Variants in FGFR2 observed in about 807,000 individuals in gnomAD.
The protein encoded by FGFR2 is fibroblast growth factor receptor 2.
A neutral mutation model predicts 95.9 loss-of-function variants in FGFR2; 19 were observed. That is an observed-to-expected ratio of 0.20 (90% CI 0.14 to 0.29). The LOEUF (loss-of-function observed/expected upper bound fraction) is 0.29. Among genes scored for constraint, FGFR2 ranks in the 10% least tolerant of loss-of-function variants. The pLI is 1.00. For missense variants in FGFR2, 707 were observed against 1,056.9 expected, an observed-to-expected ratio of 0.67 and a Z score of 4.59; for synonymous variants, 392 against 393.3, an observed-to-expected ratio of 1.00 and a Z score of 0.04.
intron 8 of FGFR2, among the ~76,000 whole-genome samples, 199 bp from the exon 9 acceptor site, chr10:121,515,518 T>C (rs1456770194): frequency 6.6e-6 from 1 of 152,060 alleles, no homozygotes; most frequent in Non-Finnish European, 1.5e-5. Flanking sequence ...GTAGTCACTG[T>C]CACTAGCCTC....
At position 121,517,692 on chromosome 10, in the gene FGFR2, G is replaced by A. The variant is rs1246667613; in HGVS notation, c.940-229C>T. On this transcript the variant is annotated intron_variant, in intron 7 of 17. Coordinates refer to ENST00000358487, the MANE Select transcript of FGFR2 (RefSeq NM_000141.5). This position sits in a 1 kb window ranked among gnomAD's most constrained non-coding sequence, Gnocchi z 4.7. ...CCGGCTTCACCTCCTACACATGCAC[G>A]CAATCAAACGCATGGAAAAAATCAA... Among the ~76,000 whole-genome samples, 1 of 151,916 alleles carries A rather than the reference G, an allele frequency of 6.6e-6. No individual in the cohort carries two copies. Among genetic ancestry groups the A allele is most frequent in the African/African-American group, 2.4e-5 (1 of 41,346 alleles).
chr10:121,538,947 C>T (rs1853274491), intron 5 of FGFR2, among the ~76,000 whole-genome samples: 1 of 152,308 alleles, frequency 6.6e-6, no homozygotes, highest in East Asian at 1.9e-4. Context: ...CAGGAGTATT[C>T]GGCAGTGTAC....
chr10:121,508,509 A>G (rs1182518112), intron 9 of FGFR2, among the ~76,000 whole-genome samples: 1 of 152,176 alleles, frequency 6.6e-6, no homozygotes, highest in Admixed American at 6.5e-5. Flanking sequence ...ACCCCTGGCA[A>G]AAGTTCACAT....
In FGFR2 at chr10:121,487,971, T is replaced by C. The variant is rs1285827505; in HGVS notation, c.1986+20A>G. ...GCCTCACCCCCGCCCCTGCCCACTG[T>C]GTTACTGCCATCGACTTACATTGGT... On this transcript the variant is annotated intron_variant, in intron 14 of 17. Transcript: ENST00000358487. The C allele has an allele frequency of 6.2e-7, 1 of 1,614,022 alleles. No homozygotes were observed. The highest frequency in any genetic ancestry group is 1.1e-5 in the South Asian group (1 of 91,070).
At chr10:121,516,048 C>A (rs1849668004) in intron 8 of FGFR2, among the ~76,000 whole-genome samples, 1 of 151,898 alleles carries the variant, frequency 6.6e-6, no homozygotes, top group African/African-American at 2.4e-5. Flanking sequence ...AAAGAAAAAA[C>A]ATAAAGGTAT....
At chr10:121,538,924 A>C (rs964386545) in intron 5 of FGFR2, among the ~76,000 whole-genome samples, 2 of 152,240 alleles carry the variant, frequency 1.3e-5, no homozygotes, top group African/African-American at 4.8e-5. Flanking sequence ...AAATATTGAC[A>C]TATTCAGATC....
chr10:121,512,397 G>A (rs1191861036), intron 9 of FGFR2, among the ~76,000 whole-genome samples: 1 of 152,222 alleles, frequency 6.6e-6, no homozygotes, highest in Non-Finnish European at 1.5e-5. Context: ...AGGAGCTGAG[G>A]TGTGTCAACA....
In FGFR2 at chr10:121,485,437, T is replaced by G. The variant is rs1470951612; in HGVS notation, c.2153A>C (p.Glu718Ala). The change falls in exon 16 of 18, where the codon GAA (glutamate) becomes GCA (alanine). Residue 718 changes from glutamate to alanine, a missense_variant. Glu to Ala is a moderately radical substitution (Grantham distance 107). Coordinates refer to ENST00000358487, the MANE Select transcript of FGFR2 (RefSeq NM_000141.5). This position sits in a 1 kb window ranked among gnomAD's most constrained non-coding sequence, Gnocchi z 4.2. ...PVEELFKLLKEGHRMDKPANC... is the reference protein window; with the variant it reads ...PVEELFKLLKAGHRMDKPANC... The stretch of plus-strand genomic sequence containing the variant: ...GGCTGGCTTATCCATTCTGTGTCCT[T>G]CCTTCAGCAGCTTAAAAAGTTCCTC... The G allele has an allele frequency of 5.6e-6, 9 of 1,614,092 alleles. No homozygotes were observed. Among genetic ancestry groups the G allele is most frequent in the Non-Finnish European group, 7.6e-6 (9 of 1,180,012 alleles).
intron 9 of FGFR2, 140 bp downstream of exon 9, chr10:121,514,977 G>A (rs1849503933): frequency 1.3e-6 from 1 of 795,480 alleles, no homozygotes; most frequent in African/African-American, 1.7e-5. Context: ...CACTAACTGG[G>A]TGACCGCCAA....
chr10:121,491,042 G>C (rs1309454155), intron 13 of FGFR2, among the ~76,000 whole-genome samples: 1 of 152,214 alleles, frequency 6.6e-6, no homozygotes, highest in African/African-American at 2.4e-5. Context: ...TCTCCCGGTG[G>C]TGTGCTCCTG....
At chr10:121,553,992 G>A (rs1855757824) in intron 4 of FGFR2, among the ~76,000 whole-genome samples, 1 of 152,228 alleles carries the variant, frequency 6.6e-6, no homozygotes, top group African/African-American at 2.4e-5. Context: ...CCTCGGGAGT[G>A]ATTTAAGGAC....
At chr10:121,581,177 C>T (rs964355011) in intron 2 of FGFR2, among the ~76,000 whole-genome samples, 30 of 152,214 alleles carry the variant, frequency 2.0e-4, no homozygotes, top group African/African-American at 6.5e-4. Context: ...CCTCCTCACT[C>T]GCCACACCTT....
chr10:121,483,018 A>G (rs1844959009), intron 17 of FGFR2, among the ~76,000 whole-genome samples: 1 of 152,180 alleles, frequency 6.6e-6, no homozygotes, highest in African/African-American at 2.4e-5. Context: ...GCTGCTCTCG[A>G]ACTCCTGGCC....
At chr10:121,536,966 A>G (rs904166099) in intron 6 of FGFR2, among the ~76,000 whole-genome samples, 12 of 152,240 alleles carry the variant, frequency 7.9e-5, no homozygotes, top group Non-Finnish European at 1.6e-4. Context: ...CGGTACACAC[A>G]GGAACCCAGG....
At chr10:121,568,199 C>G (rs1202179670) in intron 2 of FGFR2, among the ~76,000 whole-genome samples, 3 of 152,166 alleles carry the variant, frequency 2.0e-5, no homozygotes, top group African/African-American at 7.2e-5. Context: ...ATCCTAGAGT[C>G]ACAGATTCAC....
chr10:121,492,832 G>C (rs1284036582), intron 13 of FGFR2, among the ~76,000 whole-genome samples: 1 of 152,106 alleles, frequency 6.6e-6, no homozygotes, highest in Non-Finnish European at 1.5e-5. Context: ...CTTTTACCTT[G>C]GGCTGTTATT....
intron 6 of FGFR2, chr10:121,526,852 C>T (rs894916618): frequency 1.5e-5 from 6 of 398,222 alleles, no homozygotes; most frequent in Non-Finnish European, 2.7e-5. Context: ...CCCAGGTGTC[C>T]GCATCTTCTG....
intron 2 of FGFR2, among the ~76,000 whole-genome samples, chr10:121,578,045 G>A (rs902532845): frequency 6.6e-6 from 1 of 152,030 alleles, no homozygotes; most frequent in East Asian, 1.9e-4. Flanking sequence ...AGAAAGTACA[G>A]GCAAAACTGC....
intron 6 of FGFR2, among the ~76,000 whole-genome samples, chr10:121,532,228 AG>A (rs1456715479): frequency 6.6e-6 from 1 of 152,196 alleles, no homozygotes; most frequent in African/African-American, 2.4e-5. Flanking sequence ...GGCTCTACGG[AG>A]CCGAGACCTT....
Sources: allele counts gnomAD v4.1 joint callset (sites outside exome capture counted in the v4.1 genomes callset), GRCh38; gene constraint gnomAD v4.1.1; non-coding constraint Gnocchi (gnomAD v3.1); transcripts MANE v1.5; gene names NCBI Gene and HGNC (gene_info 2026-07-23, HGNC 2026-07-21).